Variants in ASTN1 observed in about 807,000 individuals in gnomAD.
The protein encoded by ASTN1 is astrotactin 1, also known as astrotactin-1.
In ASTN1, 41 loss-of-function variants were observed where a neutral mutation model predicts 140.7. The observed-to-expected ratio is 0.29, with a 90% CI of 0.23 to 0.38. The LOEUF (loss-of-function observed/expected upper bound fraction) is 0.38. Ranked by LOEUF, ASTN1 falls within the 10% of genes least tolerant of loss-of-function variation. The pLI is 1.00. For missense variants in ASTN1, 1,479 were observed against 1,678.8 expected (o/e 0.88, Z 2.08); for synonymous variants, 640 against 652.2 (o/e 0.98, Z 0.29).
At chr1:176,874,081 C>T (rs1002174060) in intron 21 of ASTN1, among the ~76,000 whole-genome samples, 39 of 152,334 alleles carry the variant, frequency 2.6e-4, no homozygotes, top group African/African-American at 9.1e-4. Context: ...TTTCCCACTA[C>T]TCACTGCAGG....
chr1:176,994,434 G>A (rs982908231), intron 8 of ASTN1, among the ~76,000 whole-genome samples: 3 of 151,610 alleles, frequency 2.0e-5, no homozygotes, highest in Non-Finnish European at 2.9e-5. Flanking sequence ...CTGCAACCTC[G>A]CCAGGCTCAA....
chr1:177,037,285 T>C (rs928023778), intron 2 of ASTN1, among the ~76,000 whole-genome samples: 1 of 152,176 alleles, frequency 6.6e-6, no homozygotes, highest in African/African-American at 2.4e-5. Flanking sequence ...GGAAGCATCC[T>C]GATAGCCAAG....
intron 1 of ASTN1, among the ~76,000 whole-genome samples, chr1:177,128,424 C>T (rs1194213660): frequency 6.6e-6 from 1 of 152,120 alleles, no homozygotes; most frequent in Non-Finnish European, 1.5e-5. Context: ...AAAATTGTTA[C>T]CCTCAAATTC....
intron 16 of ASTN1, among the ~76,000 whole-genome samples, chr1:176,927,211 G>T (rs1671008605): frequency 6.6e-6 from 1 of 152,066 alleles, no homozygotes; most frequent in Non-Finnish European, 1.5e-5. Context: ...GAAGCAACTG[G>T]CCAGGACAAA....
At chr1:177,080,259 C>CAAAAAAAAAAAAA (rs11300384) in intron 1 of ASTN1, among the ~76,000 whole-genome samples, 1 of 48,404 alleles carries the variant, frequency 2.1e-5, no homozygotes, top group Admixed American at 3.0e-4. Context: ...ATCACCAGGC[C>CAAAAAAAAAAAAA]AAAAAAAAAA....
intron 1 of ASTN1, among the ~76,000 whole-genome samples, chr1:177,069,160 A>C (rs917500464): frequency 6.6e-6 from 1 of 152,112 alleles, no homozygotes; most frequent in Non-Finnish European, 1.5e-5. Flanking sequence ...CATGAGAGTG[A>C]CCTATTGAAA....
intron 1 of ASTN1, among the ~76,000 whole-genome samples, chr1:177,124,877 G>T (rs1162619575): frequency 2.6e-5 from 4 of 152,150 alleles, no homozygotes; most frequent in Admixed American, 1.3e-4. Flanking sequence ...GGGCTATAGA[G>T]AGCTGCCTAC....
intron 8 of ASTN1, among the ~76,000 whole-genome samples, chr1:177,000,331 T>C (rs1208569741): frequency 2.0e-5 from 3 of 152,154 alleles, no homozygotes; most frequent in Admixed American, 6.5e-5. Flanking sequence ...ATATTTTACA[T>C]AGTGATTTGA....
intron 1 of ASTN1, among the ~76,000 whole-genome samples, chr1:177,077,075 G>T (rs146519325): frequency 6.6e-6 from 1 of 152,116 alleles, no homozygotes; most frequent in African/African-American, 2.4e-5. Flanking sequence ...AAGTCTGCAG[G>T]TGTGCGTATT....
chr1:176,940,196 A>G (rs897317497), intron 14 of ASTN1, among the ~76,000 whole-genome samples: 1 of 152,188 alleles, frequency 6.6e-6, no homozygotes, highest in African/African-American at 2.4e-5. Flanking sequence ...ATACATAAAA[A>G]TAGAACTCTG....
chr1:176,937,463 C>A (rs933677535), intron 14 of ASTN1, among the ~76,000 whole-genome samples: 1 of 152,150 alleles, frequency 6.6e-6, no homozygotes, highest in Non-Finnish European at 1.5e-5. Flanking sequence ...CACAAACTTA[C>A]AGCCTCTTAG....
At chr1:176,948,277 C>T (rs991734909) in intron 12 of ASTN1, among the ~76,000 whole-genome samples, 7 of 137,324 alleles carry the variant, frequency 5.1e-5, no homozygotes, top group East Asian at 4.2e-4. Context: ...CTTAGCAGGT[C>T]GGAAGAGAGA....
intron 21 of ASTN1, among the ~76,000 whole-genome samples, chr1:176,873,500 G>A (rs1169725169): frequency 6.6e-6 from 1 of 152,150 alleles, no homozygotes; most frequent in Non-Finnish European, 1.5e-5. Context: ...TAGATAATGA[G>A]GAGCTGAAGT....
At position 177,069,504 on chromosome 1, in the gene ASTN1, G is replaced by C. The variant is rs375570134; in HGVS notation, c.284-8239C>G. ...TCTCTGGGGGCAGTTGGGGGTGGGA[G>C]CTGTGGGAAGCAGAGGGTGGCTTTT... On this transcript the variant is annotated intron_variant, in intron 1 of 22. Transcript: ENST00000361833. Among the ~76,000 whole-genome samples, 6 of 152,292 alleles carry C rather than the reference G, an allele frequency of 3.9e-5. No individual in the cohort carries two copies. In the East Asian group the frequency reaches 1.2e-3, roughly 29 times the overall value.
rs967052707 is a variant in ASTN1 at position 176,862,224 on chromosome 1, G to A, written c.*2060C>T. The A allele has an allele frequency of 9.1e-6, 9 of 985,328 alleles. No individual in the cohort carries two copies. Among genetic ancestry groups the A allele is most frequent in the African/African-American group, 1.7e-5 (1 of 57,240 alleles). The allele number at this position is 985,328 out of a possible 1,614,324, so 61.0% of individuals were successfully genotyped here. A position where few individuals can be genotyped will look rare whatever the true frequency, so the allele number is the denominator to read the frequency against. ...GCTGATCTTTGCTTTGAAAGTAGGG[G>A]AATCTCTGAGGCAGGTGCATTAGAG... On this transcript the variant is annotated 3_prime_UTR_variant, in exon 23 of 23. Coordinates refer to ENST00000361833, the MANE Select transcript of ASTN1 (RefSeq NM_004319.3).
intron 1 of ASTN1, among the ~76,000 whole-genome samples, chr1:177,135,036 A>G (rs1682124682): frequency 6.6e-6 from 1 of 152,098 alleles, no homozygotes; most frequent in Non-Finnish European, 1.5e-5. Flanking sequence ...ATGCAATATT[A>G]ATAGAAATGC....
At position 176,893,042 on chromosome 1, in the gene ASTN1, G is replaced by A. The variant is rs901937168; in HGVS notation, c.2940+1520C>T. Among the ~76,000 whole-genome samples the A allele has an allele frequency of 8.5e-5, 13 of 152,252 alleles. No homozygotes were observed. The East Asian group carries it at 2.5e-3, about 30-fold the overall frequency. On this transcript the variant is annotated intron_variant, in intron 17 of 22. Transcript: ENST00000361833. ...AGGGGCTGGGGTAGGGCCAAGTAGG[G>A]GATCCAGAAAGGGAGTTGCCAAAGA...
intron 1 of ASTN1, among the ~76,000 whole-genome samples, chr1:177,140,437 G>A (rs1327357440): frequency 6.6e-6 from 1 of 152,080 alleles, no homozygotes; most frequent in African/African-American, 2.4e-5. Flanking sequence ...AATCTTCTAA[G>A]TATAATGTGA....
intron 19 of ASTN1, among the ~76,000 whole-genome samples, chr1:176,883,596 C>T (rs1053013213): frequency 6.6e-6 from 1 of 152,168 alleles, no homozygotes; most frequent in African/African-American, 2.4e-5. Flanking sequence ...AGGCAAAGGG[C>T]CTTGGAAGAA....
Sources: allele counts gnomAD v4.1 joint callset (sites outside exome capture counted in the v4.1 genomes callset), GRCh38; gene constraint gnomAD v4.1.1; transcripts MANE v1.5; gene names NCBI Gene and HGNC (gene_info 2026-07-23, HGNC 2026-07-21).